Variants in GHR observed in about 807,000 individuals in gnomAD.
The protein encoded by GHR is growth hormone receptor.
Under a neutral mutation model 67.1 loss-of-function variants are expected in GHR, and 35 were observed. The ratio of observed to expected loss-of-function variants is 0.52; its 90% confidence interval spans 0.40 to 0.69. The LOEUF is 0.69. GHR is among the 30% of genes least tolerant of loss of function. GHR has a pLI of 0.00. For missense variants in GHR, 792 were observed against 764.6 expected (o/e 1.04, Z -0.42); for synonymous variants, 272 against 269.1 (o/e 1.01, Z -0.10).
intron 1 of GHR, among the ~76,000 whole-genome samples, chr5:42,499,925 A>G (rs1317583692): frequency 6.6e-6 from 1 of 152,220 alleles, no homozygotes; most frequent in South Asian, 2.1e-4. Flanking sequence ...ACAGGCAAGC[A>G]TATGTCCCTT....
At chr5:42,610,118 A>G (rs1752820092) in intron 2 of GHR, among the ~76,000 whole-genome samples, 1 of 152,158 alleles carries the variant, frequency 6.6e-6, no homozygotes, top group Non-Finnish European at 1.5e-5. Context: ...TAAAGGAGTA[A>G]GACCAGCCAG....
At chr5:42,659,388 G>T (rs1288251779) in intron 3 of GHR, 1 of 152,136 alleles carries the variant, frequency 6.6e-6, no homozygotes, top group Non-Finnish European at 1.5e-5. Flanking sequence ...AGGTAGGAAA[G>T]TTTTCAAATA....
At chr5:42,595,427 G>C (rs1752016637) in intron 2 of GHR, among the ~76,000 whole-genome samples, 1 of 152,164 alleles carries the variant, frequency 6.6e-6, no homozygotes, top group Admixed American at 6.5e-5. Flanking sequence ...TTGGCCACCA[G>C]GAAGACAGGA....
intron 1 of GHR, among the ~76,000 whole-genome samples, chr5:42,529,155 G>C (rs1027878805): frequency 6.6e-6 from 1 of 151,892 alleles, no homozygotes; most frequent in African/African-American, 2.4e-5. Context: ...GGAACTACAG[G>C]TGCCCACCAC....
At chr5:42,546,759 A>C (rs1748749913) in intron 1 of GHR, among the ~76,000 whole-genome samples, 1 of 152,124 alleles carries the variant, frequency 6.6e-6, no homozygotes, top group Non-Finnish European at 1.5e-5. Context: ...AAGTGAGATA[A>C]ATGGATTGGA....
At chr5:42,453,462 G>A (rs1744134859) in intron 1 of GHR, among the ~76,000 whole-genome samples, 1 of 152,298 alleles carries the variant, frequency 6.6e-6, no homozygotes, top group Admixed American at 6.5e-5. Flanking sequence ...AGGGTGGCTG[G>A]AGGAGCTCTC....
intron 1 of GHR, among the ~76,000 whole-genome samples, chr5:42,478,709 G>A (rs185021347): frequency 0.033 from 5,066 of 152,268 alleles, 118 homozygotes; most frequent in Middle Eastern, 0.082. Flanking sequence ...GTATAAGAAT[G>A]CTTGTGATTT....
In GHR at chr5:42,444,288, G is replaced by T. The variant is rs146419540; in HGVS notation, c.-12+20333G>T. 8.5e-5 allele frequency among the ~76,000 whole-genome samples: 13 copies of T among 152,194 alleles called. No individual in the cohort carries two copies. The East Asian group carries it at 2.3e-3, about 27-fold the overall frequency. On this transcript the variant is annotated intron_variant, in intron 1 of 9. Transcript: ENST00000230882. ...TAGAATAGTCCTGTACACATAGAAG[G>T]CACACAGAATGTCCAGTGCCAGTGA...
chr5:42,493,433 C>G (rs1746198319), intron 1 of GHR, among the ~76,000 whole-genome samples: 1 of 151,976 alleles, frequency 6.6e-6, no homozygotes, highest in African/African-American at 2.4e-5. Flanking sequence ...AAACCTATGC[C>G]TAAAAATTAT....
intron 1 of GHR, among the ~76,000 whole-genome samples, chr5:42,459,446 A>C (rs1387516952): frequency 1.3e-5 from 2 of 152,198 alleles, no homozygotes; most frequent in African/African-American, 4.8e-5. Flanking sequence ...CTCATTTATA[A>C]GTGGAAGCTA....
chr5:42,586,553 G>C (rs1751486067), intron 2 of GHR, among the ~76,000 whole-genome samples: 1 of 152,220 alleles, frequency 6.6e-6, no homozygotes, highest in South Asian at 2.1e-4. Flanking sequence ...TTTTAGGAGA[G>C]AAGTTTAATC....
At chr5:42,522,640 G>C (rs1254126545) in intron 1 of GHR, among the ~76,000 whole-genome samples, 1 of 152,156 alleles carries the variant, frequency 6.6e-6, no homozygotes, top group Non-Finnish European at 1.5e-5. Flanking sequence ...TCCCAAAAAA[G>C]AGATTGCTAT....
chr5:42,595,624 G>A (rs1320437317), intron 2 of GHR, among the ~76,000 whole-genome samples: 1 of 152,238 alleles, frequency 6.6e-6, no homozygotes, highest in Non-Finnish European at 1.5e-5. Context: ...GGGGATGAAT[G>A]AATAAGTGAG....
intron 2 of GHR, among the ~76,000 whole-genome samples, chr5:42,592,161 C>T (rs1580007482): frequency 6.6e-6 from 1 of 152,296 alleles, no homozygotes; most frequent in Non-Finnish European, 1.5e-5. Context: ...CAAAAGTTCA[C>T]GATGTGAATC....
chr5:42,634,963 T>C lies in GHR; in HGVS notation c.136+5860T>C, dbSNP rs547570502. Among the ~76,000 whole-genome samples, 7 of 151,596 alleles carry C rather than the reference T, an allele frequency of 4.6e-5. No individual in the cohort carries two copies. The East Asian group carries it at 1.2e-3, about 25-fold the overall frequency. ...TAAGGGAAATGTGTCCTGGCAGAGATGGCATCTTAGAGTGAATGCACAGTC... is the reference window on the plus strand; with the variant it reads ...TAAGGGAAATGTGTCCTGGCAGAGACGGCATCTTAGAGTGAATGCACAGTC... On this transcript the variant is annotated intron_variant, in intron 3 of 9. Coordinates refer to ENST00000230882, the MANE Select transcript of GHR (RefSeq NM_000163.5).
At chr5:42,646,859 C>T (rs993866585) in intron 3 of GHR, among the ~76,000 whole-genome samples, 6 of 152,238 alleles carry the variant, frequency 3.9e-5, no homozygotes, top group African/African-American at 1.2e-4. Context: ...ACTGTGGTAC[C>T]AGACTGGGAA....
At chr5:42,549,334 C>T (rs1221699542) in intron 1 of GHR, among the ~76,000 whole-genome samples, 1 of 152,208 alleles carries the variant, frequency 6.6e-6, no homozygotes, top group Non-Finnish European at 1.5e-5. Context: ...GGCCTTTATT[C>T]ATGTCTTCAA....
chr5:42,718,185 T>C, intron 9 of GHR, 64 bp downstream of exon 9: 4 of 879,948 alleles, frequency 4.5e-6, no homozygotes, highest in South Asian at 4.0e-5. Context: ...TCCTGTCATA[T>C]GTTGAAGGTT....
At chr5:42,466,789 C>T (rs867952687) in intron 1 of GHR, 1 of 811,050 alleles carries the variant, frequency 1.2e-6, no homozygotes, top group East Asian at 2.7e-5. Flanking sequence ...GGACATAGGC[C>T]TCATCTTTAT....
Sources: gnomAD v4.1 joint callset for allele counts (sites outside exome capture counted in the v4.1 genomes callset) on GRCh38, gnomAD v4.1.1 for gene constraint, MANE v1.5 for transcripts, NCBI Gene and HGNC (gene_info 2026-07-23, HGNC 2026-07-21) for gene names.